Variants in RIC1 observed in about 807,000 individuals in gnomAD.
RIC1 encodes RIC1 partner of RAB6A GEF complex.
A neutral mutation model predicts 169.0 loss-of-function variants in RIC1; 88 were observed. The observed-to-expected ratio is 0.52, with a 90% confidence interval of 0.44 to 0.62. The LOEUF (loss-of-function observed/expected upper bound fraction) is 0.62. RIC1 is among the 20% of genes least tolerant of loss of function. The probability of loss-of-function intolerance (pLI) is 0.00; values close to 1 mark genes in which losing one functional copy is unlikely to be tolerated. For synonymous variants in RIC1, 790 were observed against 601.5 expected, an observed-to-expected ratio of 1.31 and a Z score of -4.59; for missense variants, 1,877 against 1,725.5, an observed-to-expected ratio of 1.09 and a Z score of -1.56.
At chr9:5,651,204 G>A (rs564666209) in intron 1 of RIC1, among the ~76,000 whole-genome samples, 10 of 152,266 alleles carry the variant, frequency 6.6e-5, no homozygotes, top group Admixed American at 5.2e-4. Flanking sequence ...CCCCACACTG[G>A]AGATCTGCTC....
At chr9:5,721,546 G>C (rs539445230) in intron 6 of RIC1, among the ~76,000 whole-genome samples, 20 of 152,288 alleles carry the variant, frequency 1.3e-4, no homozygotes, top group African/African-American at 4.6e-4. Context: ...GCATTATTCA[G>C]AAAGAATCAC....
chr9:5,645,796 A>G (rs1245320528), intron 1 of RIC1, among the ~76,000 whole-genome samples: 2 of 152,166 alleles, frequency 1.3e-5, no homozygotes, highest in African/African-American at 4.8e-5. Flanking sequence ...TTATTCATTC[A>G]TCTGTTGATG....
At chr9:5,659,569 T>G (rs935073730) in intron 2 of RIC1, among the ~76,000 whole-genome samples, 1 of 152,118 alleles carries the variant, frequency 6.6e-6, no homozygotes, top group African/African-American at 2.4e-5. Flanking sequence ...AAAATACCAT[T>G]GGGAATTTGG....
chr9:5,683,061 T>G (rs929581171), intron 2 of RIC1, among the ~76,000 whole-genome samples: 1 of 152,198 alleles, frequency 6.6e-6, no homozygotes, highest in Non-Finnish European at 1.5e-5. Flanking sequence ...AGTTAGCCAT[T>G]CGTCTAATTT....
intron 6 of RIC1, among the ~76,000 whole-genome samples, chr9:5,729,843 A>G (rs1444309960): frequency 8.2e-6 from 1 of 122,282 alleles, no homozygotes; most frequent in Non-Finnish European, 1.8e-5. Context: ...TGAATTAGAA[A>G]AAACTCTTTT....
intron 6 of RIC1, among the ~76,000 whole-genome samples, chr9:5,730,479 A>G (rs1291567824): frequency 6.6e-6 from 1 of 152,194 alleles, no homozygotes; most frequent in Non-Finnish European, 1.5e-5. Flanking sequence ...CTATGATTCC[A>G]TTTTAGGTAA....
intron 2 of RIC1, among the ~76,000 whole-genome samples, chr9:5,679,499 A>G (rs1294799174): frequency 6.6e-6 from 1 of 152,034 alleles, no homozygotes; most frequent in Admixed American, 6.6e-5. Context: ...ATTTGTTTGT[A>G]TCCTCTTTTA....
chr9:5,694,294 C>G (rs985940053), intron 3 of RIC1, among the ~76,000 whole-genome samples: 1 of 152,156 alleles, frequency 6.6e-6, no homozygotes, highest in African/African-American at 2.4e-5. Flanking sequence ...GAAAGTTTCC[C>G]TCAATATATG....
intron 12 of RIC1, among the ~76,000 whole-genome samples, chr9:5,752,795 C>T (rs564710472): frequency 8.5e-5 from 13 of 152,210 alleles, no homozygotes; most frequent in African/African-American, 3.1e-4. Context: ...CCATTAAAAA[C>T]CAGAACTTTT....
At position 5,700,895 on chromosome 9, in the gene RIC1, T is replaced by C. The variant is rs551896235; in HGVS notation, c.332+10857T>C. 2.6e-5 allele frequency among the ~76,000 whole-genome samples: 4 copies of C among 152,366 alleles called. No individual in the cohort carries two copies. The South Asian group carries it at 6.2e-4, about 24-fold the overall frequency. ...GTTTCACAAAGACAACTGCAAGTTA[T>C]AAATATTTTTTTTCAAATAAGTATA... On this transcript the variant is annotated intron_variant, in intron 3 of 25. Coordinates refer to ENST00000414202, the MANE Select transcript of RIC1 (RefSeq NM_020829.4).
chr9:5,665,712 G>A (rs1323938040), intron 2 of RIC1, among the ~76,000 whole-genome samples: 2 of 152,050 alleles, frequency 1.3e-5, no homozygotes, highest in Non-Finnish European at 2.9e-5. Flanking sequence ...CATTTGTGGG[G>A]GTCTACTCCA....
chr9:5,760,989 C>T (rs1457004174), intron 17 of RIC1, among the ~76,000 whole-genome samples: 1 of 151,614 alleles, frequency 6.6e-6, no homozygotes, highest in Non-Finnish European at 1.5e-5. Flanking sequence ...TAGCATTGTG[C>T]TTCCCTATTT....
chr9:5,724,799 C>T (rs533610494), intron 6 of RIC1, among the ~76,000 whole-genome samples: 2 of 152,272 alleles, frequency 1.3e-5, no homozygotes, highest in African/African-American at 2.4e-5. Context: ...GCCTTTTCTG[C>T]ATCTATTGAG....
intron 1 of RIC1, among the ~76,000 whole-genome samples, chr9:5,633,196 A>T (rs547935465): frequency 6.6e-6 from 1 of 152,230 alleles, no homozygotes; most frequent in African/African-American, 2.4e-5. Flanking sequence ...GAAAAAAACA[A>T]TGATATGTCA....
chr9:5,648,063 A>G (rs926712489), intron 1 of RIC1, among the ~76,000 whole-genome samples: 1 of 150,754 alleles, frequency 6.6e-6, no homozygotes, highest in Non-Finnish European at 1.5e-5. Context: ...GCTTACTGCA[A>G]CCGCCACCTC....
At chr9:5,741,550 A>T (rs1398402989) in intron 8 of RIC1, among the ~76,000 whole-genome samples, 1 of 151,968 alleles carries the variant, frequency 6.6e-6, no homozygotes, top group Non-Finnish European at 1.5e-5. Flanking sequence ...AGGTTTGCTG[A>T]TCCTCTCCAG....
At chr9:5,688,239 T>C (rs1011694418) in intron 2 of RIC1, among the ~76,000 whole-genome samples, 11 of 152,226 alleles carry the variant, frequency 7.2e-5, no homozygotes, top group African/African-American at 2.7e-4. Context: ...TCCTGGACTC[T>C]TCAGCTTCTT....
chr9:5,727,993 G>C (rs1324724053), intron 6 of RIC1, among the ~76,000 whole-genome samples: 1 of 152,196 alleles, frequency 6.6e-6, no homozygotes, highest in African/African-American at 2.4e-5. Flanking sequence ...TATGGGTCAG[G>C]GACCCACTTG....
At chr9:5,740,386 T>C (rs978139695) in intron 8 of RIC1, among the ~76,000 whole-genome samples, 7 of 152,238 alleles carry the variant, frequency 4.6e-5, no homozygotes, top group Non-Finnish European at 8.8e-5. Flanking sequence ...CTTAATATTC[T>C]GTACCTCTAG....
Sources: gnomAD v4.1 joint callset for allele counts (sites outside exome capture counted in the v4.1 genomes callset) on GRCh38, gnomAD v4.1.1 for gene constraint, MANE v1.5 for transcripts, NCBI Gene and HGNC (gene_info 2026-07-23, HGNC 2026-07-21) for gene names.